The following RNF213 variants were observed in gnomAD, a reference collection of about 807,000 sequenced individuals.
RNF213 encodes E3 ubiquitin-protein ligase RNF213.
Under a neutral mutation model 514.4 loss-of-function variants are expected in RNF213, and 341 were observed. The observed-to-expected ratio is 0.66, with a 90% CI of 0.61 to 0.73. RNF213 has a LOEUF of 0.73. RNF213 is among the 30% of genes least tolerant of loss of function. The pLI is 0.00. For missense variants in RNF213, 5,767 were observed against 6,615.6 expected (o/e 0.87, Z 4.45); for synonymous variants, 2,655 against 2,658.2 (o/e 1.00, Z 0.04).
chr17:80,313,189 T>G, intron 15 of RNF213, 22 bp downstream of exon 15: 4 of 1,613,916 alleles, frequency 2.5e-6, no homozygotes, highest in Non-Finnish European at 3.4e-6. Context: ...GCCGAAGGCT[T>G]CTGGGTAGGG....
intron 3 of RNF213, among the ~76,000 whole-genome samples, chr17:80,281,398 TACAC>T (rs140026874): frequency 0.043 from 986 of 23,026 alleles, 41 homozygotes; most frequent in African/African-American, 0.12. Context: ...TCACACCACT[TACAC>T]ACCCCCAAGA....
intron 55 of RNF213, chr17:80,379,947 T>C (rs1042439633): frequency 5.5e-5 from 31 of 561,328 alleles, no homozygotes; most frequent in Non-Finnish European, 9.4e-5. Flanking sequence ...CTTTAACAGC[T>C]GTTAATATGA....
In RNF213 at chr17:80,262,969, T is replaced by C. The variant is rs546741310; in HGVS notation, c.-108-605T>C. Among the ~76,000 whole-genome samples the C allele has an allele frequency of 7.9e-5, 12 of 152,306 alleles. No homozygotes were observed. The East Asian group carries it at 2.3e-3, about 29-fold the overall frequency. On this transcript the variant is annotated intron_variant, in intron 1 of 67. Transcript: ENST00000582970. The stretch of plus-strand genomic sequence containing the variant: ...GTGGGCCAGTGTGCCCTGAGGCTTC[T>C]TACTGGGGAGGGAGAGAGTCAGGTC...
intron 26 of RNF213, among the ~76,000 whole-genome samples, chr17:80,342,468 AG>A (rs2078180158): frequency 6.6e-6 from 1 of 151,952 alleles, no homozygotes; most frequent in African/African-American, 2.4e-5. Context: ...TTTTATACAA[AG>A]AGAAGTAACT....
chr17:80,381,183 G>C (rs2079985301), intron 56 of RNF213, 196 bp downstream of exon 56: 1 of 657,266 alleles, frequency 1.5e-6, no homozygotes, highest in South Asian at 1.7e-5. Context: ...CTACTCCCCA[G>C]ATTATACAGA....
At chr17:80,386,473 G>C in intron 62 of RNF213, 43 bp downstream of exon 62, 2 of 1,604,336 alleles carry the variant, frequency 1.2e-6, no homozygotes, top group Non-Finnish European at 1.7e-6. Flanking sequence ...GCTCAGCCCA[G>C]AGTCCCTAAG....
In RNF213 at chr17:80,313,146, CACAT is replaced by C; in HGVS notation, c.2793_2796del (p.Tyr932SerfsTer55). The C allele has an allele frequency of 1.9e-6, 3 of 1,614,114 alleles. No individual in the cohort carries two copies. The highest frequency in any genetic ancestry group is 2.5e-6 in the Non-Finnish European group (3 of 1,180,028). On this transcript the variant is annotated frameshift_variant, in exon 15 of 68. Coordinates refer to ENST00000582970, the MANE Select transcript of RNF213 (RefSeq NM_001256071.3). LOFTEE classifies it high-confidence loss of function. ...TGCTCACATCTTCAGGTGCCTCATT[CACAT>C]ACGTCAAGGAAATTGAGGTAGGCAT...
In RNF213 at chr17:80,288,325, C is replaced by T. The variant is rs1287175568; in HGVS notation, c.772C>T (p.Gln258Ter). ...CAGCTCTGAGCCCGGGACAGAACTG[C>T]AGACCACCGAGCAACAGGCAGGGGC... ...GGSSEPGTEL[Q>*]TTEQQAGASA... The change falls in exon 4 of 68, where the codon CAG becomes TAG. Residue 258 changes from glutamine to a stop codon, truncating the protein, a stop_gained. Coordinates refer to ENST00000582970, the MANE Select transcript of RNF213 (RefSeq NM_001256071.3). LOFTEE classifies it high-confidence loss of function. This position sits in a 1 kb window ranked among gnomAD's most constrained non-coding sequence, Gnocchi z 4.9. 2 of 1,612,596 alleles carry T rather than the reference C, an allele frequency of 1.2e-6. No individual in the cohort carries two copies. Among genetic ancestry groups the T allele is most frequent in the Non-Finnish European group, 1.7e-6 (2 of 1,179,984 alleles).
In RNF213 at chr17:80,353,607, A is replaced by G. The variant is rs748314818; in HGVS notation, c.10519A>G (p.Met3507Val). The change falls in exon 34 of 68, where the codon ATG becomes GTG. Residue 3507 changes from methionine to valine, a missense_variant. Around this residue, in one of 13 missense-constraint regions of RNF213, gnomAD observed 919 missense variants for 1,121.0 expected, o/e 0.82. Transcript: ENST00000582970. The surrounding 1 kb of genome is among the most constrained non-coding windows in gnomAD (Gnocchi z 5.0). Reference protein sequence around the residue: ...GEVAEVAEEAMETESSEKVGK... With the variant: ...GEVAEVAEEAVETESSEKVGK... ...GGTGGCAGAGGTGGCAGAGGAGGCCATGGAAACAGAAAGTTCTGAGAAGGT... is the reference window on the plus strand; with the variant it reads ...GGTGGCAGAGGTGGCAGAGGAGGCCGTGGAAACAGAAAGTTCTGAGAAGGT... 2.5e-6 allele frequency: 4 copies of G among 1,614,096 alleles called. No homozygotes were observed. Among genetic ancestry groups the G allele is most frequent in the Admixed American group, 1.7e-5 (1 of 60,008 alleles).
intron 11 of RNF213, among the ~76,000 whole-genome samples, chr17:80,298,970 CTCTG>C (rs556085278): frequency 5.0e-4 from 76 of 152,262 alleles, no homozygotes; most frequent in African/African-American, 1.8e-3. Flanking sequence ...CAGAGCGAGA[CTCTG>C]TCTAAAACAA....
In RNF213 at chr17:80,294,813, T is replaced by G. The variant is rs1265591019; in HGVS notation, c.1565T>G (p.Leu522Arg). Residue 522 changes from leucine to arginine, a missense_variant, in exon 9 of 68, where the codon CTG becomes CGG. This residue lies in a region of RNF213 where 592 missense variants were observed against 673.9 expected (regional missense o/e 0.88). Coordinates refer to ENST00000582970, the MANE Select transcript of RNF213 (RefSeq NM_001256071.3). ...ATCACAGACGGGCCGAGGAAGGACC[T>G]GGTGAAGGGGAAGCAGATTGCCGCT... is the stretch of plus-strand genomic sequence containing the variant. ...NHITDGPRKD[L>R]VKGKQIAAAL... 1.2e-6 allele frequency: 2 copies of G among 1,614,028 alleles called. No individual in the cohort carries two copies. The highest frequency in any genetic ancestry group is 1.7e-6 in the Non-Finnish European group (2 of 1,180,034).
At chr17:80,363,356 C>G in intron 40 of RNF213, 42 bp downstream of exon 40, 1 of 1,571,854 alleles carries the variant, frequency 6.4e-7, no homozygotes, top group South Asian at 1.1e-5. Flanking sequence ...CCTTGTGGTG[C>G]TTCCAACTCC....
Position 80,288,431 on chromosome 17 carries a change from G to A in RNF213, c.810+68G>A. ...CTCGGCACCTGGGCTCTGCTGCAAG[G>A]TGCTGGCGTTGCTTCCCTGCCGGGG... On this transcript the variant is annotated intron_variant, in intron 4 of 67. Coordinates refer to ENST00000582970, the MANE Select transcript of RNF213 (RefSeq NM_001256071.3). This position sits in a 1 kb window ranked among gnomAD's most constrained non-coding sequence, Gnocchi z 4.9. 4 of 1,604,216 alleles carry A rather than the reference G, an allele frequency of 2.5e-6. No individual in the cohort carries two copies. Among genetic ancestry groups the A allele is most frequent in the Non-Finnish European group, 3.4e-6 (4 of 1,176,736 alleles).
intron 6 of RNF213, among the ~76,000 whole-genome samples, chr17:80,290,350 T>G (rs1316080088): frequency 6.6e-6 from 1 of 150,756 alleles, no homozygotes; most frequent in African/African-American, 2.4e-5. Context: ...TGTGTGCGTG[T>G]GCATGTATGT....
chr17:80,285,699 C>G (rs1159794731), intron 3 of RNF213, among the ~76,000 whole-genome samples: 1 of 148,842 alleles, frequency 6.7e-6, no homozygotes, highest in Non-Finnish European at 1.5e-5. Flanking sequence ...GAGATGGAGT[C>G]TTGCTCTATT....
chr17:80,332,023 G>A lies in RNF213; in HGVS notation c.3535G>A (p.Ala1179Thr). ...TTCTAAAGTGGACTTTGGAGTGCTT[G>A]CAGTAAGACACTCACAAGACCTCAG... ...HLIQVDFGVL[A>T]VRHSQDLSSK... Residue 1179 changes from alanine (A) to threonine (T), a missense_variant, in exon 21 of 68, where the codon GCA becomes ACA. Physicochemically the swap from Ala to Thr is moderately conservative, Grantham distance 58 (BLOSUM62 0). Coordinates refer to ENST00000582970, the MANE Select transcript of RNF213 (RefSeq NM_001256071.3). 1.3e-6 allele frequency: 2 copies of A among 1,535,592 alleles called. No individual in the cohort carries two copies. The highest frequency in any genetic ancestry group is 1.7e-6 in the Non-Finnish European group (2 of 1,145,622).
Position 80,386,864 on chromosome 17 carries a change from C to A in RNF213, c.14895C>A (p.Leu4965=). Residue 4965 remains leucine, a synonymous_variant, in exon 63 of 68, where the codon CTC becomes CTA. Transcript: ENST00000582970. ...AGCGGCAGATCGTCAGCCGCTTCCT[C>A]CAGGGCAAGCCCCGGCTGAGCCTCA... is the stretch of plus-strand genomic sequence containing the variant. ...KIQRQIVSRF[L]QGKPRLSLKG... The A allele has an allele frequency of 1.2e-6, 2 of 1,613,586 alleles. No individual in the cohort carries two copies. Among genetic ancestry groups the A allele is most frequent in the Non-Finnish European group, 1.7e-6 (2 of 1,179,934 alleles).
In RNF213 at chr17:80,339,689, G is replaced by A; in HGVS notation, c.5322G>A (p.Leu1774=). The change falls in exon 26 of 68, where the codon CTG becomes CTA. Residue 1774 remains leucine, a synonymous_variant. Coordinates refer to ENST00000582970, the MANE Select transcript of RNF213 (RefSeq NM_001256071.3). Reference sequence around the variant, plus strand: ...TGATGCTCTTATCAGAGTTCAGCCTGGTGGACAAGCTGAGGATCATCATGG... The same window carrying A: ...TGATGCTCTTATCAGAGTTCAGCCTAGTGGACAAGCTGAGGATCATCATGG... The part of the protein sequence containing the change: ...LPLMLLSEFS[L]VDKLRIIMEQ... 1 of 1,537,238 alleles carries A rather than the reference G, an allele frequency of 6.5e-7. No homozygotes were observed. Among genetic ancestry groups the A allele is most frequent in the Non-Finnish European group, 8.7e-7 (1 of 1,146,898 alleles).
Position 80,309,088 on chromosome 17 carries a change from A to G in RNF213, c.2572A>G (p.Ser858Gly), listed in dbSNP as rs777907932. The G allele has an allele frequency of 6.2e-7, 1 of 1,614,234 alleles. No individual in the cohort carries two copies. The highest frequency in any genetic ancestry group is 1.1e-5 in the South Asian group (1 of 91,084). Reference sequence around the variant, plus strand: ...GAAACTGCATGAAGCCATCTGCAGCAGCACAAAGCTACTTAAGTTTTACGA... The same window carrying G: ...GAAACTGCATGAAGCCATCTGCAGCGGCACAAAGCTACTTAAGTTTTACGA... ...CLKLHEAICS[S>G]TKLLKFYELP... The change falls in exon 14 of 68, where the codon AGC (serine) becomes GGC (glycine). Residue 858 changes from serine (S) to glycine (G), a missense_variant. Coordinates refer to ENST00000582970, the MANE Select transcript of RNF213 (RefSeq NM_001256071.3).
Sources: allele counts gnomAD v4.1 joint callset (sites outside exome capture counted in the v4.1 genomes callset), GRCh38; gene constraint gnomAD v4.1.1; regional missense constraint gnomAD v4.1.1; non-coding constraint Gnocchi (gnomAD v3.1); transcripts MANE v1.5; gene names NCBI Gene and HGNC (gene_info 2026-07-23, HGNC 2026-07-21).